Variants in PACSIN1 observed in about 807,000 individuals in gnomAD.
PACSIN1 encodes the protein protein kinase C and casein kinase substrate in neurons protein 1.
A neutral mutation model predicts 59.5 loss-of-function variants in PACSIN1; 15 were observed. That is an observed-to-expected ratio of 0.25 (90% CI 0.17 to 0.39). The LOEUF (loss-of-function observed/expected upper bound fraction) is 0.39. Ranked by LOEUF, PACSIN1 falls within the 10% of genes least tolerant of loss-of-function variation. The probability of loss-of-function intolerance (pLI) is 1.00; values close to 1 mark genes in which losing one functional copy is unlikely to be tolerated. For missense variants in PACSIN1, 420 were observed against 580.2 expected (o/e 0.72, Z 2.84); for synonymous variants, 210 against 220.6 (o/e 0.95, Z 0.42).
At chr6:34,477,391 CAAGAAAAAAAGAAGA>C (rs1766653866) in intron 1 of PACSIN1, among the ~76,000 whole-genome samples, 1 of 148,194 alleles carries the variant, frequency 6.7e-6, no homozygotes, top group African/African-American at 2.5e-5. Context: ...AGAAAGAAAT[CAAGAAAAAAAGAAGA>C]AAGAAAGAAA....
intron 3 of PACSIN1, 113 bp downstream of exon 3, chr6:34,527,601 C>G (rs1197415622): frequency 8.2e-6 from 8 of 974,490 alleles, no homozygotes; most frequent in Non-Finnish European, 1.1e-5. Flanking sequence ...CTACCAGACA[C>G]AGGACATTTT....
intron 1 of PACSIN1, among the ~76,000 whole-genome samples, chr6:34,505,959 C>G (rs1014011202): frequency 6.6e-6 from 1 of 151,950 alleles, no homozygotes; most frequent in Admixed American, 6.6e-5. Context: ...GCTCACTGGA[C>G]GTTGAGCCCA....
chr6:34,487,403 G>C (rs1435046651), intron 1 of PACSIN1, among the ~76,000 whole-genome samples: 1 of 152,204 alleles, frequency 6.6e-6, no homozygotes, highest in Non-Finnish European at 1.5e-5. Flanking sequence ...TTGGTGCTCA[G>C]TGCTCTGTCT....
chr6:34,530,662 G>A lies in PACSIN1; in HGVS notation c.1037+75G>A, dbSNP rs1767577722. 1 of 1,411,424 alleles carries A rather than the reference G, an allele frequency of 7.1e-7. No homozygotes were observed. Among genetic ancestry groups the A allele is most frequent in the Non-Finnish European group, 9.4e-7 (1 of 1,063,766 alleles). The allele number at this position is 1,411,424 out of a possible 1,614,324, so 87.4% of individuals were successfully genotyped here. On this transcript the variant is annotated intron_variant, in intron 8 of 9. Transcript: ENST00000244458. This position sits in a 1 kb window ranked among gnomAD's most constrained non-coding sequence, Gnocchi z 4.4. ...GGGGCAGCTGAGTTTTGCTTCAGAA[G>A]ACAAGAAATGGTCTAGATCATAGCA...
intron 1 of PACSIN1, among the ~76,000 whole-genome samples, chr6:34,507,224 G>A (rs1581973824): frequency 6.6e-6 from 1 of 152,140 alleles, no homozygotes; most frequent in East Asian, 1.9e-4. Flanking sequence ...GTATTTCTGG[G>A]TTGCTGACTT....
chr6:34,470,708 G>T (rs1460657475), intron 1 of PACSIN1, among the ~76,000 whole-genome samples: 1 of 152,002 alleles, frequency 6.6e-6, no homozygotes, highest in Non-Finnish European at 1.5e-5. Context: ...TTACTGTGTT[G>T]CCCAGGCTAA....
intron 1 of PACSIN1, among the ~76,000 whole-genome samples, chr6:34,490,397 A>G (rs574387753): frequency 6.6e-6 from 1 of 152,110 alleles, no homozygotes; most frequent in African/African-American, 2.4e-5. Context: ...TCAAGTGGGC[A>G]GTGTCCTTGT....
rs1274895426 is a variant in PACSIN1 at position 34,530,912 on chromosome 6, G to T, written c.1037+325G>T. On this transcript the variant is annotated intron_variant, in intron 8 of 9. Coordinates refer to ENST00000244458, the MANE Select transcript of PACSIN1 (RefSeq NM_020804.5). This position sits in a 1 kb window ranked among gnomAD's most constrained non-coding sequence, Gnocchi z 4.4. ...ATGCGCAGTTCACAATAGGGGGGTT[G>T]CGCTCCTATGAGAATCTAACGCCGC... Among the ~76,000 whole-genome samples the T allele has an allele frequency of 1.3e-5, 2 of 152,204 alleles. No individual in the cohort carries two copies. Among genetic ancestry groups the T allele is most frequent in the African/African-American group, 4.8e-5 (2 of 41,452 alleles).
intron 1 of PACSIN1, among the ~76,000 whole-genome samples, chr6:34,490,549 G>A (rs950546353): frequency 2.0e-5 from 3 of 152,100 alleles, no homozygotes; most frequent in Non-Finnish European, 4.4e-5. Context: ...TCTGATGACC[G>A]AGCGCCGCCA....
chr6:34,516,750 A>G lies in PACSIN1; in HGVS notation c.-63-9493A>G, dbSNP rs1389763997. On this transcript the variant is annotated intron_variant, in intron 1 of 9. Coordinates refer to ENST00000244458, the MANE Select transcript of PACSIN1 (RefSeq NM_020804.5). The surrounding 1 kb of genome is among the most constrained non-coding windows in gnomAD (Gnocchi z 5.4). ...CACAGGTTGGCTCGGGGCTGCCAGG[A>G]TGGGCTTCTGGGACACATTTCCCTG... is the stretch of plus-strand genomic sequence containing the variant. 2.0e-5 allele frequency among the ~76,000 whole-genome samples: 3 copies of G among 152,164 alleles called. No homozygotes were observed. Among genetic ancestry groups the G allele is most frequent in the Admixed American group, 6.5e-5 (1 of 15,280 alleles).
At chr6:34,478,205 G>A (rs1310795928) in intron 1 of PACSIN1, among the ~76,000 whole-genome samples, 14 of 144,956 alleles carry the variant, frequency 9.7e-5, no homozygotes, top group Non-Finnish European at 1.7e-4. Context: ...GACTACAGGC[G>A]CATCCCACAG....
At position 34,528,638 on chromosome 6, in the gene PACSIN1, T is replaced by G. The variant is rs1221050237; in HGVS notation, c.221-4T>G. On this transcript the variant is annotated splice_region_variant and splice_polypyrimidine_tract_variant and intron_variant, in intron 3 of 9. Transcript: ENST00000244458. ...GTTCTTGTGACCTATTGCCATTCCC[T>G]CAGGCCCACAGTATGGCAGCCTGGA... is the stretch of plus-strand genomic sequence containing the variant. The G allele has an allele frequency of 1.2e-6, 2 of 1,612,004 alleles. No individual in the cohort carries two copies. Among genetic ancestry groups the G allele is most frequent in the African/African-American group, 2.7e-5 (2 of 74,846 alleles).
intron 1 of PACSIN1, among the ~76,000 whole-genome samples, chr6:34,470,999 G>T (rs532976902): frequency 1.3e-5 from 2 of 152,104 alleles, no homozygotes; most frequent in Non-Finnish European, 2.9e-5. Flanking sequence ...AGGCTTGAGT[G>T]CAAGGCTGCG....
At chr6:34,467,467 G>A (rs943004165) in intron 1 of PACSIN1, among the ~76,000 whole-genome samples, 4 of 152,008 alleles carry the variant, frequency 2.6e-5, no homozygotes, top group African/African-American at 4.8e-5. Context: ...GGAGGGGGTC[G>A]AGCCCCTTCT....
chr6:34,502,765 C>A (rs1204615863), intron 1 of PACSIN1, among the ~76,000 whole-genome samples: 1 of 152,070 alleles, frequency 6.6e-6, no homozygotes, highest in Non-Finnish European at 1.5e-5. Context: ...CGCGCCTGGC[C>A]GAAGAAGCCA....
intron 1 of PACSIN1, among the ~76,000 whole-genome samples, chr6:34,511,709 G>A (rs1375770926): frequency 1.3e-5 from 2 of 152,184 alleles, no homozygotes; most frequent in Admixed American, 6.5e-5. Context: ...TGTGGGCTGG[G>A]GTTGGGGAGG....
At position 34,515,994 on chromosome 6, in the gene PACSIN1, C is replaced by T. The variant is rs886544167; in HGVS notation, c.-63-10249C>T. Among the ~76,000 whole-genome samples, 2 of 152,210 alleles carry T rather than the reference C, an allele frequency of 1.3e-5. No homozygotes were observed. The highest frequency in any genetic ancestry group is 4.8e-5 in the African/African-American group (2 of 41,536). On this transcript the variant is annotated intron_variant, in intron 1 of 9. Coordinates refer to ENST00000244458, the MANE Select transcript of PACSIN1 (RefSeq NM_020804.5). This position sits in a 1 kb window ranked among gnomAD's most constrained non-coding sequence, Gnocchi z 4.4. ...CCACAGGAGTTCACGGTGGGGCACA[C>T]CTGGTCCAGTTTTGCCCTGAATGGA...
At position 34,530,194 on chromosome 6, in the gene PACSIN1, G is replaced by A. The variant is rs1337921944; in HGVS notation, c.789-49G>A. 1.9e-6 allele frequency: 3 copies of A among 1,567,276 alleles called. No homozygotes were observed. Among genetic ancestry groups the A allele is most frequent in the Non-Finnish European group, 2.6e-6 (3 of 1,151,722 alleles). ...TGGCCTCTCACCAAGGTTGAGGAGG[G>A]GCCATGTTGAATCTGTGCCCTCCAC... On this transcript the variant is annotated intron_variant, in intron 6 of 9. Transcript: ENST00000244458. This position sits in a 1 kb window ranked among gnomAD's most constrained non-coding sequence, Gnocchi z 4.4.
intron 1 of PACSIN1, among the ~76,000 whole-genome samples, chr6:34,478,243 T>C (rs1225251590): frequency 4.1e-5 from 6 of 147,290 alleles, no homozygotes; most frequent in African/African-American, 1.5e-4. Context: ...GTATTTTTAG[T>C]AGAGATGGGG....
Sources: allele counts gnomAD v4.1 joint callset (sites outside exome capture counted in the v4.1 genomes callset), GRCh38; gene constraint gnomAD v4.1.1; non-coding constraint Gnocchi (gnomAD v3.1); transcripts MANE v1.5; gene names NCBI Gene and HGNC (gene_info 2026-07-23, HGNC 2026-07-21).